SLCO6A1: variants seen among roughly 807,000 people sequenced by gnomAD.
SLCO6A1 encodes solute carrier organic anion transporter family member 6A1.
In SLCO6A1, 65 loss-of-function variants were observed where a neutral mutation model predicts 72.7. That is an observed-to-expected ratio of 0.89 (90% CI 0.73 to 1.10). SLCO6A1 has a LOEUF of 1.10. Ranked by LOEUF, SLCO6A1 falls within the 50% of genes least tolerant of loss-of-function variation. The pLI is 0.00. For missense variants in SLCO6A1, 874 were observed against 872.6 expected, an observed-to-expected ratio of 1.00 and a Z score of -0.02; for synonymous variants, 314 against 298.2, an observed-to-expected ratio of 1.05 and a Z score of -0.55.
chr5:102,411,231 G>A (rs1425441118), intron 9 of SLCO6A1, among the ~76,000 whole-genome samples: 3 of 151,808 alleles, frequency 2.0e-5, no homozygotes, highest in Non-Finnish European at 4.4e-5. Context: ...ATATATGTGT[G>A]TGTGTGTTTG....
At chr5:102,372,145 A>G (rs532818764) in intron 13 of SLCO6A1, 22 bp from the exon 14 acceptor site, 2 of 152,206 alleles carry the variant, frequency 1.3e-5, no homozygotes, top group Admixed American at 1.3e-4. Context: ...AACAGAGAAG[A>G]GTCAAGCAAT....
At chr5:102,390,004 C>T (rs940261801) in intron 11 of SLCO6A1, among the ~76,000 whole-genome samples, 1 of 152,106 alleles carries the variant, frequency 6.6e-6, no homozygotes, top group Non-Finnish European at 1.5e-5. Flanking sequence ...TCAGCCTCCC[C>T]AAGTGCTGGG....
At chr5:102,411,585 A>C (rs2112583950) in intron 9 of SLCO6A1, among the ~76,000 whole-genome samples, 1 of 138,894 alleles carries the variant, frequency 7.2e-6, no homozygotes, top group South Asian at 2.4e-4. Flanking sequence ...GTTATTGAGG[A>C]CTAAGCTCTG....
chr5:102,418,286 T>C (rs578176094), intron 8 of SLCO6A1, among the ~76,000 whole-genome samples: 10 of 152,252 alleles, frequency 6.6e-5, no homozygotes, highest in African/African-American at 2.4e-4. Context: ...TTTTGAATAA[T>C]TTGATTACAA....
intron 8 of SLCO6A1, among the ~76,000 whole-genome samples, chr5:102,417,536 T>C (rs975538362): frequency 6.6e-6 from 1 of 152,190 alleles, no homozygotes; most frequent in South Asian, 2.1e-4. Flanking sequence ...ATTTATAGTA[T>C]ACATTTTTAA....
intron 4 of SLCO6A1, among the ~76,000 whole-genome samples, chr5:102,463,441 C>T (rs952409837): frequency 2.6e-5 from 4 of 152,144 alleles, no homozygotes; most frequent in Non-Finnish European, 4.4e-5. Flanking sequence ...GAACAAAATA[C>T]GTCATATGAA....
rs1250075369 is a variant in SLCO6A1, at chr5:102,385,901, A to G, written c.2017+2787T>C. Among the ~76,000 whole-genome samples, 4 of 150,894 alleles carry G rather than the reference A, an allele frequency of 2.7e-5. No homozygotes were observed. The East Asian group carries it at 7.8e-4, about 30-fold the overall frequency. ...GGCTGGCCTTGAATTCCTGGGCTCA[A>G]ATGATCCTACTGCCTCAGCCTGCCA... On this transcript the variant is annotated intron_variant, in intron 12 of 13. Coordinates refer to ENST00000506729, the MANE Select transcript of SLCO6A1 (RefSeq NM_173488.5).
At chr5:102,489,085 T>A (rs1752562862) in intron 1 of SLCO6A1, among the ~76,000 whole-genome samples, 1 of 152,244 alleles carries the variant, frequency 6.6e-6, no homozygotes, top group Non-Finnish European at 1.5e-5. Flanking sequence ...CTCCCCTTTA[T>A]TTTCTTTAAA....
At chr5:102,451,311 G>A (rs933133680) in intron 6 of SLCO6A1, among the ~76,000 whole-genome samples, 40 of 152,172 alleles carry the variant, frequency 2.6e-4, no homozygotes, top group African/African-American at 7.2e-4. Flanking sequence ...GGTTGGCTGT[G>A]CTAGCATCCC....
intron 6 of SLCO6A1, among the ~76,000 whole-genome samples, chr5:102,445,513 A>G (rs182504461): frequency 6.6e-6 from 1 of 152,206 alleles, no homozygotes; most frequent in East Asian, 1.9e-4. Context: ...ATTTTCTCCT[A>G]TTCTGTAGGT....
intron 6 of SLCO6A1, among the ~76,000 whole-genome samples, chr5:102,445,965 C>T (rs967565246): frequency 3.9e-5 from 6 of 152,088 alleles, no homozygotes; most frequent in Middle Eastern, 3.2e-3. Context: ...GTTTTAGGAG[C>T]CTTGTAGTAC....
intron 1 of SLCO6A1, among the ~76,000 whole-genome samples, chr5:102,487,332 G>T (rs966912315): frequency 1.3e-5 from 2 of 152,092 alleles, no homozygotes; most frequent in Non-Finnish European, 2.9e-5. Flanking sequence ...TCATCAATTT[G>T]CTTAAGAATA....
chr5:102,389,336 A>G (rs1004409130), intron 11 of SLCO6A1, among the ~76,000 whole-genome samples: 6 of 152,078 alleles, frequency 3.9e-5, no homozygotes, highest in Non-Finnish European at 7.4e-5. Flanking sequence ...CCTCAGATCC[A>G]GAGGACCAGC....
At chr5:102,477,945 C>T (rs1166250126) in intron 2 of SLCO6A1, 84 bp from the exon 3 acceptor site, 2 of 1,311,952 alleles carry the variant, frequency 1.5e-6, no homozygotes, top group African/African-American at 1.5e-5. Context: ...AAATATTTTA[C>T]AAGCTATTTC....
chr5:102,458,337 C>T (rs1255398818), intron 6 of SLCO6A1, 45 bp downstream of exon 6: 3 of 1,369,810 alleles, frequency 2.2e-6, no homozygotes, highest in Admixed American at 2.0e-5. Flanking sequence ...GAAAATTAAA[C>T]AGGTCAACTT....
chr5:102,407,893 GCTATTA>G (rs1747757583), intron 9 of SLCO6A1, among the ~76,000 whole-genome samples: 1 of 152,162 alleles, frequency 6.6e-6, no homozygotes, highest in African/African-American at 2.4e-5. Context: ...GCACAACTCA[GCTATTA>G]CCCTGATTTC....
At chr5:102,448,565 C>G (rs147005893) in intron 6 of SLCO6A1, among the ~76,000 whole-genome samples, 1 of 152,050 alleles carries the variant, frequency 6.6e-6, no homozygotes, top group Non-Finnish European at 1.5e-5. Flanking sequence ...GTGTTGGTTG[C>G]GTATATATTT....
intron 4 of SLCO6A1, among the ~76,000 whole-genome samples, chr5:102,463,458 A>G (rs1751147922): frequency 1.3e-5 from 2 of 152,224 alleles, no homozygotes; most frequent in African/African-American, 4.8e-5. Context: ...TGAAAAAGAC[A>G]CTTGCACATA....
chr5:102,491,695 G>A (rs889141321), intron 1 of SLCO6A1, among the ~76,000 whole-genome samples: 201 of 152,352 alleles, frequency 1.3e-3, no homozygotes, highest in African/African-American at 4.6e-3. Context: ...CCGCAAGCGC[G>A]GTGCGCAGCC....
Sources: gnomAD v4.1 joint callset for allele counts (sites outside exome capture counted in the v4.1 genomes callset) on GRCh38, gnomAD v4.1.1 for gene constraint, MANE v1.5 for transcripts, NCBI Gene and HGNC (gene_info 2026-07-23, HGNC 2026-07-21) for gene names.